The following AGO2 variants were observed in gnomAD, a reference collection of about 807,000 sequenced individuals.
The protein encoded by AGO2 is protein argonaute-2.
In AGO2, 5 loss-of-function variants were observed where a neutral mutation model predicts 102.3. The ratio of observed to expected loss-of-function variants is 0.05; its 90% CI spans 0.03 to 0.10. The LOEUF (loss-of-function observed/expected upper bound fraction) is 0.10, where lower values mean the gene tolerates loss of function less well. Among genes scored for constraint, AGO2 ranks in the 10% least tolerant of loss-of-function variants. AGO2 has a pLI of 1.00. For synonymous variants in AGO2, 449 were observed against 473.1 expected (o/e 0.95, Z 0.66); for missense variants, 541 against 1,183.7 (o/e 0.46, Z 7.97).
At chr8:140,551,198 G>GCACGCT (rs1487753436) in intron 11 of AGO2, 105 bp downstream of exon 11, 2 of 1,310,828 alleles carry the variant, frequency 1.5e-6, no homozygotes, top group Non-Finnish European at 2.0e-6. Context: ...ACCCATACCA[G>GCACGCT]CACCCTCACC....
chr8:140,603,896 C>G (rs2073961754), intron 1 of AGO2, among the ~76,000 whole-genome samples: 1 of 152,242 alleles, frequency 6.6e-6, no homozygotes, highest in Non-Finnish European at 1.5e-5. Flanking sequence ...CCGCATCCCT[C>G]AGGGCTTGCA....
At chr8:140,607,332 A>C (rs1165296851) in intron 1 of AGO2, among the ~76,000 whole-genome samples, 1 of 151,738 alleles carries the variant, frequency 6.6e-6, no homozygotes, top group African/African-American at 2.4e-5. Flanking sequence ...AGGCTGAGGC[A>C]GGAGGACTGC....
At chr8:140,545,855 C>T (rs952616066) in intron 13 of AGO2, among the ~76,000 whole-genome samples, 5 of 152,234 alleles carry the variant, frequency 3.3e-5, no homozygotes, top group Non-Finnish European at 5.9e-5. Context: ...GCCACACTGT[C>T]GGGTGCCTCC....
At chr8:140,597,173 G>T (rs1332332752) in intron 1 of AGO2, among the ~76,000 whole-genome samples, 1 of 152,242 alleles carries the variant, frequency 6.6e-6, no homozygotes, top group Non-Finnish European at 1.5e-5. Context: ...CTGTGTCCCA[G>T]CTCTGGCAGG....
intron 1 of AGO2, among the ~76,000 whole-genome samples, chr8:140,621,809 C>T (rs1463472167): frequency 6.6e-6 from 1 of 152,076 alleles, no homozygotes; most frequent in East Asian, 1.9e-4. Context: ...GATGAGGACG[C>T]GGAGAAACTG....
At chr8:140,635,217 C>G (rs1349921924) in intron 1 of AGO2, among the ~76,000 whole-genome samples, 3 of 146,332 alleles carry the variant, frequency 2.1e-5, no homozygotes, top group Non-Finnish European at 3.0e-5. Flanking sequence ...GGGAGGGGCC[C>G]AGGCCGCGCG....
chr8:140,630,214 C>A (rs908298471), intron 1 of AGO2, among the ~76,000 whole-genome samples: 2 of 152,184 alleles, frequency 1.3e-5, no homozygotes, highest in Admixed American at 6.5e-5. Flanking sequence ...CACACAAGCC[C>A]CAGATTTTAA....
chr8:140,640,483 G>A (rs1409776492), upstream of AGO2, among the ~76,000 whole-genome samples: 1 of 151,898 alleles, frequency 6.6e-6, no homozygotes, highest in Non-Finnish European at 1.5e-5. Flanking sequence ...AGGTGTGGGT[G>A]CCCTTGCCTT....
chr8:140,560,504 G>C lies in AGO2; in HGVS notation c.525C>G (p.Thr175=), dbSNP rs527663873. ...VMRHLPSMRY[T]PVGRSFFTAS... is the part of the protein sequence containing the mutation. ...CGGTGAAGAAGGAGCGGCCCACGGG[G>C]GTGTACCTGGAACCAAGAGACCCCA... The change falls in exon 5 of 19, where the codon ACC becomes ACG. Residue 175 remains threonine, a synonymous_variant. Coordinates refer to ENST00000220592, the MANE Select transcript of AGO2 (RefSeq NM_012154.5). 260 of 1,612,750 alleles carry C rather than the reference G, an allele frequency of 1.6e-4. No individual in the cohort carries two copies. The highest frequency in any genetic ancestry group is 1.2e-5 in the Non-Finnish European group (14 of 1,178,978).
In AGO2 at chr8:140,541,195, C is replaced by T; in HGVS notation, c.2003G>A (p.Arg668His). The T allele has an allele frequency of 1.3e-6, 2 of 1,584,412 alleles. No homozygotes were observed. The highest frequency in any genetic ancestry group is 1.7e-6 in the Non-Finnish European group (2 of 1,165,280). ...GAACTGGCCTTCAGAGACACCGTCG[C>T]GGTAGAAGATGATGCGGGTGGGCTT... is the stretch of plus-strand genomic sequence containing the variant. ...RFKPTRIIFY[R>H]DGVSEGQFQQ... Residue 668 changes from arginine (R) to histidine (H), a missense_variant, in exon 15 of 19, where the codon CGC (arginine) becomes CAC (histidine). Physicochemically the swap from Arg to His is conservative, Grantham distance 29. Transcript: ENST00000220592.
At chr8:140,580,224 GC>G (rs930411682) in intron 2 of AGO2, among the ~76,000 whole-genome samples, 1 of 152,242 alleles carries the variant, frequency 6.6e-6, no homozygotes, top group African/African-American at 2.4e-5. Flanking sequence ...CACCCCGGCA[GC>G]CCCGGGAAAG....
rs2072520398 is a variant in AGO2 at position 140,527,107 on chromosome 8, CA to C, written c.*4936del. ...AGAGCCACGGTAAGCGACGAGGAAT[CA>C]AACAGACCACAACAGTGTTCACAAG... On this transcript the variant is annotated 3_prime_UTR_variant, in exon 19 of 19. Transcript: ENST00000220592. This position sits in a 1 kb window ranked among gnomAD's most constrained non-coding sequence, Gnocchi z 6.0. 1 of 152,228 alleles carries C rather than the reference CA, an allele frequency of 6.6e-6. No homozygotes were observed. The highest frequency in any genetic ancestry group is 1.5e-5 in the Non-Finnish European group (1 of 68,058). 9.4% of individuals were successfully genotyped at this position (152,228 alleles called of 1,614,324 possible).
intron 1 of AGO2, among the ~76,000 whole-genome samples, chr8:140,633,622 T>A (rs1339987851): frequency 6.6e-6 from 1 of 152,186 alleles, no homozygotes; most frequent in South Asian, 2.1e-4. Context: ...AGCCCCGCTG[T>A]CAATGACAAG....
At chr8:140,604,683 C>T (rs746024211) in intron 1 of AGO2, among the ~76,000 whole-genome samples, 1 of 151,938 alleles carries the variant, frequency 6.6e-6, no homozygotes, top group Non-Finnish European at 1.5e-5. Flanking sequence ...AAAAGTTAGC[C>T]GGGCGTGGTG....
intron 1 of AGO2, among the ~76,000 whole-genome samples, chr8:140,598,097 A>T (rs1406773820): frequency 6.6e-6 from 1 of 152,220 alleles, no homozygotes; most frequent in Non-Finnish European, 1.5e-5. Flanking sequence ...GGAGGAGATG[A>T]GGCAGGACAG....
At chr8:140,609,185 T>C (rs2074043052) in intron 1 of AGO2, among the ~76,000 whole-genome samples, 1 of 152,256 alleles carries the variant, frequency 6.6e-6, no homozygotes, top group Non-Finnish European at 1.5e-5. Context: ...AGCCAAGTGC[T>C]GAGCGGCTGC....
intron 10 of AGO2, among the ~76,000 whole-genome samples, chr8:140,554,479 T>C (rs903618865): frequency 9.9e-5 from 15 of 152,156 alleles, no homozygotes; most frequent in Non-Finnish European, 2.2e-4. Flanking sequence ...TCTAAGGAAA[T>C]GTTAGCTAGA....
chr8:140,547,846 C>T (rs1312183657), intron 12 of AGO2, among the ~76,000 whole-genome samples: 1 of 152,230 alleles, frequency 6.6e-6, no homozygotes, highest in African/African-American at 2.4e-5. Flanking sequence ...GACTCCAGCA[C>T]GGCTGTGCCC....
chr8:140,528,229 T>C lies in AGO2; in HGVS notation c.*3815A>G, dbSNP rs566161322. 6.6e-6 allele frequency: 1 copy of C among 152,314 alleles called. No individual in the cohort carries two copies. Among genetic ancestry groups the C allele is most frequent in the East Asian group, 1.9e-4 (1 of 5,186 alleles). 9.4% of individuals were successfully genotyped at this position (152,314 alleles called of 1,614,324 possible). On this transcript the variant is annotated 3_prime_UTR_variant, in exon 19 of 19. Coordinates refer to ENST00000220592, the MANE Select transcript of AGO2 (RefSeq NM_012154.5). This position sits in a 1 kb window ranked among gnomAD's most constrained non-coding sequence, Gnocchi z 4.5. ...TTGAAGGTAAACATTAGGCAATTTA[T>C]AAAAGTTGGGGAAATAATTTCTATC...
Sources: gnomAD v4.1 joint callset for allele counts (sites outside exome capture counted in the v4.1 genomes callset) on GRCh38, gnomAD v4.1.1 for gene constraint, Gnocchi (gnomAD v3.1) non-coding constraint, MANE v1.5 for transcripts, NCBI Gene and HGNC (gene_info 2026-07-23, HGNC 2026-07-21) for gene names.